NCOA1: variants seen among roughly 807,000 people sequenced by gnomAD.
The protein encoded by NCOA1 is Hin-2 protein.
A neutral mutation model predicts 150.9 loss-of-function variants in NCOA1; 35 were observed. That is an observed-to-expected ratio of 0.23 (90% CI 0.18 to 0.31). NCOA1 has a LOEUF of 0.31. Among genes scored for constraint, NCOA1 ranks in the 10% least tolerant of loss-of-function variants. The pLI is 1.00. For synonymous variants in NCOA1, 590 were observed against 630.0 expected (o/e 0.94, Z 0.95); for missense variants, 1,491 against 1,749.3 (o/e 0.85, Z 2.63).
At chr2:24,563,684 AT>A (rs1445503020) in intron 1 of NCOA1, among the ~76,000 whole-genome samples, 2 of 152,010 alleles carry the variant, frequency 1.3e-5, no homozygotes, top group Non-Finnish European at 2.9e-5. Flanking sequence ...AGCCCAGCTA[AT>A]TTTTGTAATT....
intron 17 of NCOA1, among the ~76,000 whole-genome samples, chr2:24,735,828 G>A (rs1304111052): frequency 6.6e-6 from 1 of 152,108 alleles, no homozygotes; most frequent in African/African-American, 2.4e-5. Context: ...AATAAGCAAA[G>A]ACCCAAGAAA....
intron 14 of NCOA1, among the ~76,000 whole-genome samples, chr2:24,714,282 G>A (rs994212951): frequency 6.6e-6 from 1 of 152,048 alleles, no homozygotes; most frequent in Non-Finnish European, 1.5e-5. Context: ...CAGACATTCA[G>A]CAGCATTATA....
At chr2:24,645,335 CAAAA>C (rs549749004) in intron 4 of NCOA1, among the ~76,000 whole-genome samples, 2 of 80,356 alleles carry the variant, frequency 2.5e-5, no homozygotes, top group South Asian at 3.5e-4. Context: ...ACTAAAAATA[CAAAA>C]AAAAAAAAAA....
intron 20 of NCOA1, among the ~76,000 whole-genome samples, chr2:24,753,954 A>T (rs1230883974): frequency 6.6e-6 from 1 of 152,210 alleles, no homozygotes; most frequent in Non-Finnish European, 1.5e-5. Flanking sequence ...AACTAAAGTG[A>T]TATTTTCACC....
At chr2:24,522,626 G>C (rs561574570) in intron 1 of NCOA1, among the ~76,000 whole-genome samples, 2 of 152,252 alleles carry the variant, frequency 1.3e-5, no homozygotes, top group South Asian at 2.1e-4. Flanking sequence ...GAAATGGGAG[G>C]AGGAAGAACA....
intron 1 of NCOA1, among the ~76,000 whole-genome samples, chr2:24,548,968 C>T (rs548084081): frequency 6.6e-6 from 1 of 152,150 alleles, no homozygotes; most frequent in Non-Finnish European, 1.5e-5. Context: ...GATGGTGGCC[C>T]TCTTCTCACA....
Position 24,707,434 on chromosome 2 carries a change from A to G in NCOA1, c.1964A>G (p.Lys655Arg). Residue 655 changes from lysine (K) to arginine (R), a missense_variant, in exon 13 of 23, where the codon AAA (lysine) becomes AGA (arginine). Coordinates refer to ENST00000348332, the MANE Select transcript of NCOA1 (RefSeq NM_003743.5). ...LRHADIDTSC[K>R]DVLSCTGTSN... ...CATGCTGATATAGACACAAGCTGCA[A>G]AGATGTCCTGTCTTGCACAGGCACT... The G allele has an allele frequency of 6.2e-7, 1 of 1,614,202 alleles. No homozygotes were observed. Among genetic ancestry groups the G allele is most frequent in the African/African-American group, 1.3e-5 (1 of 75,060 alleles).
chr2:24,630,901 A>T (rs1397523564), intron 3 of NCOA1, among the ~76,000 whole-genome samples: 1 of 152,206 alleles, frequency 6.6e-6, no homozygotes, highest in Non-Finnish European at 1.5e-5. Context: ...AACTTTATAC[A>T]TGTATCGAAT....
At chr2:24,532,450 A>C (rs1664940874) in intron 1 of NCOA1, among the ~76,000 whole-genome samples, 1 of 152,134 alleles carries the variant, frequency 6.6e-6, no homozygotes, top group Non-Finnish European at 1.5e-5. Flanking sequence ...GAAGCTCTTT[A>C]GTTTAATTAG....
chr2:24,745,741 C>T (rs1429098875), intron 19 of NCOA1, among the ~76,000 whole-genome samples: 1 of 152,162 alleles, frequency 6.6e-6, no homozygotes, highest in African/African-American at 2.4e-5. Context: ...GCATTTTCCA[C>T]CAACACCCCA....
intron 1 of NCOA1, among the ~76,000 whole-genome samples, chr2:24,494,739 G>A (rs1433428663): frequency 6.6e-6 from 1 of 152,152 alleles, no homozygotes; most frequent in Non-Finnish European, 1.5e-5. Flanking sequence ...TTCAGGAGGT[G>A]GATGTCAGAA....
intron 14 of NCOA1, among the ~76,000 whole-genome samples, chr2:24,725,028 T>G (rs917309638): frequency 1.3e-5 from 2 of 152,148 alleles, no homozygotes; most frequent in African/African-American, 2.4e-5. Flanking sequence ...TAAAAGTAAA[T>G]GTGTTTATGT....
At chr2:24,509,700 T>G (rs554012649) in intron 1 of NCOA1, among the ~76,000 whole-genome samples, 1 of 152,308 alleles carries the variant, frequency 6.6e-6, no homozygotes, top group East Asian at 1.9e-4. Context: ...GGGTGAACAA[T>G]GATGTCTTGG....
intron 3 of NCOA1, among the ~76,000 whole-genome samples, chr2:24,598,038 T>C (rs1334104766): frequency 6.6e-6 from 1 of 152,176 alleles, no homozygotes; most frequent in Non-Finnish European, 1.5e-5. Flanking sequence ...GTTTAGTTTT[T>C]TGTTCTTGCG....
chr2:24,661,475 G>A (rs1041675355), intron 5 of NCOA1, among the ~76,000 whole-genome samples: 2 of 152,046 alleles, frequency 1.3e-5, no homozygotes, highest in Non-Finnish European at 2.9e-5. Flanking sequence ...CATTATTTAT[G>A]ATGTCTCTTG....
chr2:24,675,618 A>C (rs975284018), intron 7 of NCOA1, among the ~76,000 whole-genome samples: 1 of 152,186 alleles, frequency 6.6e-6, no homozygotes, highest in African/African-American at 2.4e-5. Context: ...GGCGCGGTGC[A>C]TCACGCCTAT....
At chr2:24,642,692 T>A (rs1341446014) in intron 3 of NCOA1, among the ~76,000 whole-genome samples, 1 of 152,192 alleles carries the variant, frequency 6.6e-6, no homozygotes, top group East Asian at 1.9e-4. Flanking sequence ...CATAGCAGCT[T>A]TTATTTGTAA....
At chr2:24,745,398 G>A (rs1221540092) in intron 19 of NCOA1, among the ~76,000 whole-genome samples, 1 of 151,894 alleles carries the variant, frequency 6.6e-6, no homozygotes, top group Non-Finnish European at 1.5e-5. Flanking sequence ...TCCTGACCTC[G>A]TGATCCACCC....
chr2:24,589,907 C>A (rs1330304572), intron 3 of NCOA1, among the ~76,000 whole-genome samples: 2 of 152,136 alleles, frequency 1.3e-5, no homozygotes, highest in Non-Finnish European at 1.5e-5. Context: ...CATCCAGAAT[C>A]AGGAGTTTGG....
Sources: gnomAD v4.1 joint callset for allele counts (sites outside exome capture counted in the v4.1 genomes callset) on GRCh38, gnomAD v4.1.1 for gene constraint, MANE v1.5 for transcripts, NCBI Gene and HGNC (gene_info 2026-07-23, HGNC 2026-07-21) for gene names.